GRM8: variants seen among roughly 807,000 people sequenced by gnomAD.
GRM8 encodes the protein metabotropic glutamate receptor 8.
A neutral mutation model predicts 87.2 loss-of-function variants in GRM8; 47 were observed. That is an observed-to-expected ratio of 0.54 (90% confidence interval 0.43 to 0.69). The LOEUF is 0.69. Among genes scored for constraint, GRM8 ranks in the 30% least tolerant of loss-of-function variants. The pLI is 0.00. For missense variants in GRM8, 1,019 were observed against 1,139.2 expected, an observed-to-expected ratio of 0.89 and a Z score of 1.52; for synonymous variants, 396 against 404.5, an observed-to-expected ratio of 0.98 and a Z score of 0.25.
intron 3 of GRM8, among the ~76,000 whole-genome samples, chr7:127,026,940 T>C (rs1458738745): frequency 1.3e-5 from 2 of 152,218 alleles, no homozygotes; most frequent in Non-Finnish European, 2.9e-5. Flanking sequence ...ATTGTCTAGG[T>C]TTTCTTCTAC....
chr7:126,615,422 G>A (rs1298599034), intron 7 of GRM8, among the ~76,000 whole-genome samples: 1 of 152,168 alleles, frequency 6.6e-6, no homozygotes, highest in Non-Finnish European at 1.5e-5. Context: ...GCAAAAACAT[G>A]CCAAATTGTA....
chr7:126,494,736 C>T (rs1224290181), intron 9 of GRM8, among the ~76,000 whole-genome samples: 1 of 152,028 alleles, frequency 6.6e-6, no homozygotes, highest in African/African-American at 2.4e-5. Context: ...ATGCCATAGC[C>T]ACTGCCACTG....
rs374465634 is a variant in GRM8 at position 126,501,774 on chromosome 7, G to A, written c.2430+31178C>T. Among the ~76,000 whole-genome samples, 37 of 152,036 alleles carry A rather than the reference G, an allele frequency of 2.4e-4. 1 individual carries two copies. Among genetic ancestry groups the A allele is most frequent in the African/African-American group, 7.7e-4 (32 of 41,526 alleles). ...GGTGTCTGACAGTATAACTATCAAT[G>A]AAGGCTGCTACAAGAAGGGAGAATG... On this transcript the variant is annotated intron_variant, in intron 9 of 10. Coordinates refer to ENST00000339582, the MANE Select transcript of GRM8 (RefSeq NM_000845.3).
intron 3 of GRM8, among the ~76,000 whole-genome samples, chr7:127,026,911 T>C (rs1027364653): frequency 6.6e-6 from 1 of 152,200 alleles, no homozygotes; most frequent in African/African-American, 2.4e-5. Flanking sequence ...TCTTTGCCCA[T>C]GCCTATGTCC....
At chr7:127,083,564 C>T (rs1208675391) in intron 3 of GRM8, among the ~76,000 whole-genome samples, 1 of 151,962 alleles carries the variant, frequency 6.6e-6, no homozygotes, top group African/African-American at 2.4e-5. Context: ...CTTCAAATGC[C>T]CTACCTCCTT....
intron 8 of GRM8, among the ~76,000 whole-genome samples, chr7:126,540,654 T>C (rs1215271914): frequency 6.6e-6 from 1 of 152,162 alleles, no homozygotes; most frequent in Non-Finnish European, 1.5e-5. Flanking sequence ...TTGAAAACAT[T>C]ACACTAAGAA....
At chr7:126,955,364 C>A (rs946758453) in intron 3 of GRM8, among the ~76,000 whole-genome samples, 1 of 152,080 alleles carries the variant, frequency 6.6e-6, no homozygotes, top group African/African-American at 2.4e-5. Context: ...ATAACATTTT[C>A]CTCTTGGCTG....
chr7:126,957,848 C>T (rs1386870766), intron 3 of GRM8, among the ~76,000 whole-genome samples: 1 of 152,160 alleles, frequency 6.6e-6, no homozygotes, highest in Non-Finnish European at 1.5e-5. Flanking sequence ...CCAGGGATGC[C>T]CTGAAGCCCG....
chr7:126,610,245 A>G (rs1798783868), intron 7 of GRM8, among the ~76,000 whole-genome samples: 1 of 152,188 alleles, frequency 6.6e-6, no homozygotes, highest in Non-Finnish European at 1.5e-5. Flanking sequence ...CTTTTATGTA[A>G]TTACAGGGGA....
chr7:126,808,786 T>G (rs1435045652), intron 6 of GRM8, among the ~76,000 whole-genome samples: 2 of 152,204 alleles, frequency 1.3e-5, no homozygotes, highest in Admixed American at 1.3e-4. Flanking sequence ...TTCTTGAGGT[T>G]CCAGAGTCCT....
At chr7:126,960,245 G>A (rs1809168537) in intron 3 of GRM8, among the ~76,000 whole-genome samples, 1 of 152,046 alleles carries the variant, frequency 6.6e-6, no homozygotes, top group Non-Finnish European at 1.5e-5. Flanking sequence ...AACAGACTCA[G>A]GTAAAGTCAC....
chr7:127,045,112 G>A (rs1411979375), intron 3 of GRM8, among the ~76,000 whole-genome samples: 3 of 152,112 alleles, frequency 2.0e-5, no homozygotes, highest in South Asian at 2.1e-4. Flanking sequence ...ATTATTTTAG[G>A]TTTTTATTTC....
chr7:127,214,689 G>A (rs1222332161), intron 2 of GRM8, among the ~76,000 whole-genome samples: 2 of 152,144 alleles, frequency 1.3e-5, no homozygotes. Context: ...ACAGCATGGG[G>A]AAAATCTGCC....
chr7:127,085,844 A>G (rs551253605), intron 3 of GRM8, among the ~76,000 whole-genome samples: 10 of 152,154 alleles, frequency 6.6e-5, no homozygotes, highest in African/African-American at 2.4e-4. Flanking sequence ...TTTTGTTGCC[A>G]TTGCTTTTGG....
chr7:127,069,326 C>T (rs898567353), intron 3 of GRM8, among the ~76,000 whole-genome samples: 1 of 152,144 alleles, frequency 6.6e-6, no homozygotes, highest in African/African-American at 2.4e-5. Flanking sequence ...ACATGCCCAG[C>T]TAATTTTTTG....
chr7:126,970,797 T>C (rs1810343869), intron 3 of GRM8, among the ~76,000 whole-genome samples: 1 of 152,108 alleles, frequency 6.6e-6, no homozygotes, highest in Non-Finnish European at 1.5e-5. Flanking sequence ...AAGACAGAGG[T>C]ATGAATCTTC....
intron 2 of GRM8, among the ~76,000 whole-genome samples, chr7:127,114,963 C>T (rs1238986011): frequency 6.6e-6 from 1 of 152,084 alleles, no homozygotes; most frequent in Non-Finnish European, 1.5e-5. Flanking sequence ...TAGAAGGAGT[C>T]AGAGGTCGAG....
At chr7:126,968,498 A>G (rs1810094098) in intron 3 of GRM8, among the ~76,000 whole-genome samples, 1 of 152,132 alleles carries the variant, frequency 6.6e-6, no homozygotes, top group Admixed American at 6.6e-5. Context: ...AAGCAATCCT[A>G]AGCATTAAAT....
intron 3 of GRM8, among the ~76,000 whole-genome samples, chr7:127,024,640 G>C (rs1309895963): frequency 6.6e-6 from 1 of 152,032 alleles, no homozygotes; most frequent in African/African-American, 2.4e-5. Flanking sequence ...AAACTTTCCT[G>C]TGGCCCACAA....
Sources: allele counts gnomAD v4.1 joint callset (sites outside exome capture counted in the v4.1 genomes callset), GRCh38; gene constraint gnomAD v4.1.1; transcripts MANE v1.5; gene names NCBI Gene and HGNC (gene_info 2026-07-23, HGNC 2026-07-21).